PCNX3: variants seen among roughly 807,000 people sequenced by gnomAD.
The protein encoded by PCNX3 is pecanex 3.
In PCNX3, 58 loss-of-function variants were observed where a neutral mutation model predicts 207.2. The ratio of observed to expected loss-of-function variants is 0.28; its 90% CI spans 0.23 to 0.35. The LOEUF (loss-of-function observed/expected upper bound fraction) is 0.35, where lower values mean the gene tolerates loss of function less well. Among genes scored for constraint, PCNX3 ranks in the 10% least tolerant of loss-of-function variants. PCNX3 has a pLI of 1.00. For synonymous variants in PCNX3, 1,337 were observed against 1,183.5 expected (o/e 1.13, Z -2.66); for missense variants, 2,410 against 2,774.4 (o/e 0.87, Z 2.95).
Position 65,635,206 on chromosome 11 carries a change from C to G in PCNX3, c.4954-12C>G. ...AGGGGCCACTGACCCCTGTTCCCGT[C>G]TTCTCTACCAGGACCACTTCACGTC... On this transcript the variant is annotated splice_polypyrimidine_tract_variant and intron_variant, in intron 30 of 34. Transcript: ENST00000355703. The surrounding 1 kb of genome is among the most constrained non-coding windows in gnomAD (Gnocchi z 9.9). 1 of 1,590,834 alleles carries G rather than the reference C, an allele frequency of 6.3e-7. No homozygotes were observed. The highest frequency in any genetic ancestry group is 1.1e-5 in the South Asian group (1 of 88,694).
In PCNX3 at chr11:65,628,777, T is replaced by C. The variant is rs1363442423; in HGVS notation, c.3812-42T>C. 6.0e-6 allele frequency: 9 copies of C among 1,490,388 alleles called. No homozygotes were observed. In the East Asian group the frequency reaches 8.2e-5, roughly 14 times the overall value. The allele number at this position is 1,490,388 out of a possible 1,614,324, so 92.3% of individuals were successfully genotyped here. ...GGGGCAGTGGGGGGTGGTGGGGGGC[T>C]GGGAGGTCCTGTTGCCCGCCGCCTC... On this transcript the variant is annotated intron_variant, in intron 23 of 34. Coordinates refer to ENST00000355703, the MANE Select transcript of PCNX3 (RefSeq NM_032223.4).
Position 65,624,338 on chromosome 11 carries a change from C to T in PCNX3, c.2688C>T (p.Phe896=), listed in dbSNP as rs1380529494. ...LYGLTLFSAS[F]FFCARDVATV... ...GCCTCACGCTCTTCTCTGCCTCCTTCTTCTTCTGTGCCCGAGACGTGGCCA... is the reference window on the plus strand; with the variant it reads ...GCCTCACGCTCTTCTCTGCCTCCTTTTTCTTCTGTGCCCGAGACGTGGCCA... The change falls in exon 14 of 35, where the codon TTC becomes TTT. Residue 896 remains phenylalanine (F), a synonymous_variant. Transcript: ENST00000355703. 6.4e-6 allele frequency: 10 copies of T among 1,558,936 alleles called. No individual in the cohort carries two copies. Among genetic ancestry groups the T allele is most frequent in the Non-Finnish European group, 8.7e-6 (10 of 1,151,092 alleles).
chr11:65,620,477 A>C, intron 9 of PCNX3, 48 bp downstream of exon 9: 1 of 1,588,572 alleles, frequency 6.3e-7, no homozygotes, highest in Non-Finnish European at 8.6e-7. Context: ...GGTGGCCTGC[A>C]TCTCTGGGAA....
Position 65,625,535 on chromosome 11 carries a change from T to C in PCNX3, c.3135+25T>C. The C allele has an allele frequency of 6.6e-7, 1 of 1,519,398 alleles. No homozygotes were observed. Among genetic ancestry groups the C allele is most frequent in the Non-Finnish European group, 8.9e-7 (1 of 1,123,612 alleles). The allele number at this position is 1,519,398 out of a possible 1,614,324, so 94.1% of individuals were successfully genotyped here. A position where few individuals can be genotyped will look rare whatever the true frequency, so the allele number is the denominator to read the frequency against. Reference sequence around the variant, plus strand: ...GGTGAGGGGGCGGGGGGTGGGGGTCTGTGGGGAGGTGGTGACAGGTCCTGG... The same window carrying C: ...GGTGAGGGGGCGGGGGGTGGGGGTCCGTGGGGAGGTGGTGACAGGTCCTGG... On this transcript the variant is annotated intron_variant, in intron 18 of 34. Coordinates refer to ENST00000355703, the MANE Select transcript of PCNX3 (RefSeq NM_032223.4). This position sits in a 1 kb window ranked among gnomAD's most constrained non-coding sequence, Gnocchi z 5.6.
At position 65,617,017 on chromosome 11, in the gene PCNX3, T is replaced by C; in HGVS notation, c.341+6T>C. On this transcript the variant is annotated splice_donor_region_variant and intron_variant, in intron 2 of 34. Coordinates refer to ENST00000355703, the MANE Select transcript of PCNX3 (RefSeq NM_032223.4). ...GGGGACAGCAATCCACCCAGGTGGG[T>C]GGGGTAGGGGCTGTGCTGGGGATTG... 6.2e-7 allele frequency: 1 copy of C among 1,602,296 alleles called. No individual in the cohort carries two copies. The highest frequency in any genetic ancestry group is 8.5e-7 in the Non-Finnish European group (1 of 1,174,926).
rs1855887642 is a variant in PCNX3, at chr11:65,637,303, T to C, written c.*325T>C. 2 of 324,494 alleles carry C rather than the reference T, an allele frequency of 6.2e-6. No homozygotes were observed. The highest frequency in any genetic ancestry group is 5.7e-6 in the Non-Finnish European group (1 of 176,276). 20.1% of individuals were successfully genotyped at this position (324,494 alleles called of 1,614,324 possible). On this transcript the variant is annotated 3_prime_UTR_variant, in exon 35 of 35. Coordinates refer to ENST00000355703, the MANE Select transcript of PCNX3 (RefSeq NM_032223.4). The stretch of plus-strand genomic sequence containing the variant: ...CCCCTGGGCCTGCACTGCCTGCAGG[T>C]GTGGCCCCCTTGGCCTGGACCTGGG...
chr11:65,623,467 G>A lies in PCNX3; in HGVS notation c.2358-24G>A, dbSNP rs371465605. The A allele has an allele frequency of 1.4e-3, 2,205 of 1,573,642 alleles. 2 individuals carry two copies. The highest frequency in any genetic ancestry group is 1.7e-3 in the Non-Finnish European group (1,989 of 1,158,346). ...CTGGAAGGTGAGGCAAGACGGGCAC[G>A]CCCTGACTAGGCTGTCCCTGCAGGA... On this transcript the variant is annotated intron_variant, in intron 11 of 34. Coordinates refer to ENST00000355703, the MANE Select transcript of PCNX3 (RefSeq NM_032223.4).
chr11:65,630,281 G>T (rs1361182851), intron 26 of PCNX3, 70 bp from the exon 27 acceptor site: 38 of 1,540,160 alleles, frequency 2.5e-5, no homozygotes, highest in South Asian at 3.6e-5. Context: ...TGCCATGTTG[G>T]TCACTCTCCC....
In PCNX3 at chr11:65,635,882, G is replaced by T. The variant is rs961931217; in HGVS notation, c.5459+79G>T. ...ACGTCCCTCCTGGGTCTCAGAGGGA[G>T]GACGTGCTGGAGCCAGGGCTTGAAT... On this transcript the variant is annotated intron_variant, in intron 32 of 34. Transcript: ENST00000355703. The surrounding 1 kb of genome is among the most constrained non-coding windows in gnomAD (Gnocchi z 9.9). 1.4e-6 allele frequency: 2 copies of T among 1,479,600 alleles called. No individual in the cohort carries two copies. The highest frequency in any genetic ancestry group is 2.2e-5 in the Admixed American group (1 of 44,860). The allele number at this position is 1,479,600 out of a possible 1,614,324, so 91.7% of individuals were successfully genotyped here.
At chr11:65,623,260 A>G (rs1419271058) in intron 11 of PCNX3, among the ~76,000 whole-genome samples, 2 of 152,374 alleles carry the variant, frequency 1.3e-5, no homozygotes, top group Admixed American at 6.5e-5. Flanking sequence ...CTCAGCCCTC[A>G]ATGTCCAGAG....
In PCNX3 at chr11:65,616,963, T is replaced by A; in HGVS notation, c.293T>A (p.Met98Lys). The stretch of plus-strand genomic sequence containing the variant: ...ATCGTGGAGAAGCGCAGCTCTACCA[T>A]GGGGGAGCTGGAGGAAGAGCCTGCC... ...GEIVEKRSST[M>K]GELEEEPAQG... The change falls in exon 2 of 35, where the codon ATG (methionine) becomes AAG (lysine). Residue 98 changes from methionine (M) to lysine (K), a missense_variant. Met to Lys is a moderately conservative substitution (Grantham distance 95, BLOSUM62 -1). Transcript: ENST00000355703. The A allele has an allele frequency of 6.2e-7, 1 of 1,613,032 alleles. No individual in the cohort carries two copies. Among genetic ancestry groups the A allele is most frequent in the South Asian group, 1.1e-5 (1 of 91,044 alleles).
chr11:65,629,473 C>A (rs758214296), intron 25 of PCNX3, 47 bp from the exon 26 acceptor site: 2 of 1,610,924 alleles, frequency 1.2e-6, no homozygotes, highest in African/African-American at 1.3e-5. Context: ...GAGGGAGCCT[C>A]GCTAACTTGT....
intron 13 of PCNX3, 111 bp downstream of exon 13, chr11:65,624,072 AC>A: frequency 6.4e-7 from 1 of 1,569,204 alleles, no homozygotes; most frequent in South Asian, 1.1e-5. Context: ...CACCCCCATC[AC>A]CCCCACCTGG....
In PCNX3 at chr11:65,624,177, C is replaced by T. The variant is rs750821134; in HGVS notation, c.2545-18C>T. On this transcript the variant is annotated intron_variant, in intron 13 of 34. Coordinates refer to ENST00000355703, the MANE Select transcript of PCNX3 (RefSeq NM_032223.4). Reference sequence around the variant, plus strand: ...GGCCAGTCGGGGAGACCCAGCTCCTCATGGGCTGACCCCTCAGGGCCACAA... The same window carrying T: ...GGCCAGTCGGGGAGACCCAGCTCCTTATGGGCTGACCCCTCAGGGCCACAA... The T allele has an allele frequency of 1.9e-6, 3 of 1,595,936 alleles. No individual in the cohort carries two copies. The highest frequency in any genetic ancestry group is 2.3e-5 in the East Asian group (1 of 44,176).
intron 8 of PCNX3, 146 bp downstream of exon 8, chr11:65,620,078 C>G: frequency 1.0e-6 from 1 of 967,652 alleles, no homozygotes; most frequent in Non-Finnish European, 1.5e-6. Flanking sequence ...CTTTGAGGCA[C>G]GGTGTCTCTG....
At position 65,619,746 on chromosome 11, in the gene PCNX3, C is replaced by T; in HGVS notation, c.1830-8C>T. 1.3e-6 allele frequency: 2 copies of T among 1,564,050 alleles called. No individual in the cohort carries two copies. Among genetic ancestry groups the T allele is most frequent in the East Asian group, 2.3e-5 (1 of 42,844 alleles). ...AGCTGGCGCTGACCTGGGGCTGACC[C>T]TCTCCAGCAGCCTGCAGGAAGCTCA... On this transcript the variant is annotated splice_polypyrimidine_tract_variant and splice_region_variant and intron_variant, in intron 7 of 34. Coordinates refer to ENST00000355703, the MANE Select transcript of PCNX3 (RefSeq NM_032223.4).
At chr11:65,631,256 G>A (rs1422316664) in intron 27 of PCNX3, among the ~76,000 whole-genome samples, 4 of 152,154 alleles carry the variant, frequency 2.6e-5, no homozygotes, top group African/African-American at 9.7e-5. Flanking sequence ...GGGTACATAA[G>A]GAGCCCTGGA....
chr11:65,629,745 A>C lies in PCNX3; in HGVS notation c.4216+10A>C. The C allele has an allele frequency of 2.6e-6, 4 of 1,549,236 alleles. No individual in the cohort carries two copies. The highest frequency in any genetic ancestry group is 3.5e-6 in the Non-Finnish European group (4 of 1,146,990). ...GGCCTTGAGTTCCGGGGTGAGCCGC[A>C]GGACCAGGCTCGGGTGGGCAGGCAC... On this transcript the variant is annotated intron_variant, in intron 26 of 34. Transcript: ENST00000355703.
intron 10 of PCNX3, among the ~76,000 whole-genome samples, chr11:65,621,439 C>T (rs1357394830): frequency 1.3e-5 from 2 of 152,228 alleles, no homozygotes; most frequent in Non-Finnish European, 2.9e-5. Context: ...AATTTGTATA[C>T]TTAATCTATT....
Sources: allele counts gnomAD v4.1 joint callset (sites outside exome capture counted in the v4.1 genomes callset), GRCh38; gene constraint gnomAD v4.1.1; non-coding constraint Gnocchi (gnomAD v3.1); transcripts MANE v1.5; gene names NCBI Gene and HGNC (gene_info 2026-07-23, HGNC 2026-07-21).